EHBP1: variants seen among roughly 807,000 people sequenced by gnomAD.
The protein encoded by EHBP1 is EH domain binding protein 1, also known as EH domain-binding protein 1.
EHBP1 carries 55 observed loss-of-function variants against 144.0 expected under a neutral mutation model. The observed-to-expected ratio is 0.38, with a 90% CI of 0.31 to 0.48. The LOEUF (loss-of-function observed/expected upper bound fraction) is 0.48, where lower values mean the gene tolerates loss of function less well. EHBP1 is among the 20% of genes least tolerant of loss of function. EHBP1 has a pLI of 0.98. For synonymous variants in EHBP1, 469 were observed against 472.7 expected (o/e 0.99, Z 0.10); for missense variants, 1,200 against 1,364.2 (o/e 0.88, Z 1.90).
intron 1 of EHBP1, among the ~76,000 whole-genome samples, chr2:62,689,671 A>G (rs2151744113): frequency 6.6e-6 from 1 of 152,194 alleles, no homozygotes; most frequent in Middle Eastern, 3.4e-3. Context: ...GTCTCAAAAT[A>G]ATAATAATAA....
intron 4 of EHBP1, among the ~76,000 whole-genome samples, chr2:62,770,223 AACAG>A (rs1378082035): frequency 2.6e-5 from 4 of 152,236 alleles, no homozygotes; most frequent in East Asian, 3.8e-4. Context: ...CAACAGAGTA[AACAG>A]ACAGCCTACA....
intron 3 of EHBP1, among the ~76,000 whole-genome samples, chr2:62,759,693 C>T (rs182101467): frequency 1.3e-5 from 2 of 152,100 alleles, no homozygotes; most frequent in Non-Finnish European, 2.9e-5. Flanking sequence ...CATGAGCCAC[C>T]GTGCCCAGCC....
intron 2 of EHBP1, among the ~76,000 whole-genome samples, chr2:62,729,583 A>T (rs938684983): frequency 7.8e-6 from 1 of 128,960 alleles, no homozygotes; most frequent in Non-Finnish European, 1.6e-5. Context: ...AAATAAATAT[A>T]ATAATAATAT....
At chr2:62,879,671 A>G (rs542354357) in intron 10 of EHBP1, among the ~76,000 whole-genome samples, 2 of 152,056 alleles carry the variant, frequency 1.3e-5, no homozygotes, top group African/African-American at 4.8e-5. Flanking sequence ...AGATCTCTAT[A>G]ATGAGAATTA....
intron 7 of EHBP1, among the ~76,000 whole-genome samples, chr2:62,832,370 C>G (rs1043548973): frequency 6.6e-6 from 1 of 150,576 alleles, no homozygotes; most frequent in Non-Finnish European, 1.5e-5. Context: ...CTCAACTTCT[C>G]ATTACAGGCA....
chr2:62,808,454 A>G (rs2044686319), intron 5 of EHBP1, among the ~76,000 whole-genome samples: 1 of 152,054 alleles, frequency 6.6e-6, no homozygotes, highest in Non-Finnish European at 1.5e-5. Flanking sequence ...TAGTGTTTTT[A>G]TGGTGTTTTT....
chr2:62,694,520 T>C (rs1421760905), intron 1 of EHBP1, among the ~76,000 whole-genome samples: 1 of 151,858 alleles, frequency 6.6e-6, no homozygotes, highest in Admixed American at 6.6e-5. Flanking sequence ...AAAAAACTTC[T>C]TAAGACAGCA....
At chr2:63,004,079 A>G (rs2059942576) in intron 19 of EHBP1, among the ~76,000 whole-genome samples, 1 of 152,090 alleles carries the variant, frequency 6.6e-6, no homozygotes, top group South Asian at 2.1e-4. Context: ...TCTGGGAGCT[A>G]TATCTGTGAC....
intron 10 of EHBP1, among the ~76,000 whole-genome samples, chr2:62,906,848 G>A (rs183936320): frequency 6.6e-6 from 1 of 152,260 alleles, no homozygotes; most frequent in African/African-American, 2.4e-5. Flanking sequence ...GAACCATATA[G>A]TATTATTTCA....
intron 15 of EHBP1, chr2:62,988,130 G>A (rs2059274079): frequency 1.3e-6 from 1 of 742,544 alleles, no homozygotes; most frequent in East Asian, 3.0e-5. Context: ...TAATAATTTT[G>A]TAGTTTTATT....
chr2:62,701,055 C>T (rs2034267195), upstream of EHBP1, among the ~76,000 whole-genome samples: 1 of 152,170 alleles, frequency 6.6e-6, no homozygotes, highest in African/African-American at 2.4e-5. Context: ...CAGAAATCCA[C>T]TAGCATCCAG....
chr2:62,993,853 T>A lies in EHBP1; in HGVS notation c.2873-18T>A, dbSNP rs1394999277. 1 of 1,519,140 alleles carries A rather than the reference T, an allele frequency of 6.6e-7. No homozygotes were observed. Among genetic ancestry groups the A allele is most frequent in the Non-Finnish European group, 8.8e-7 (1 of 1,132,914 alleles). The allele number at this position is 1,519,140 out of a possible 1,614,324, so 94.1% of individuals were successfully genotyped here. ...GCTTTACAATAATTTTACATGTCTT[T>A]CCTCTTTTTTTTTTAAGAGATGAAA... is the stretch of plus-strand genomic sequence containing the variant. On this transcript the variant is annotated intron_variant, in intron 17 of 22. Transcript: ENST00000431489.
chr2:62,917,175 A>G (rs368139915), intron 10 of EHBP1, among the ~76,000 whole-genome samples: 5 of 152,302 alleles, frequency 3.3e-5, no homozygotes, highest in African/African-American at 9.6e-5. Flanking sequence ...ACCACAGGCA[A>G]TTGTAACACA....
At chr2:62,858,563 G>T (rs2049260833) in intron 7 of EHBP1, 1 of 1,172,924 alleles carries the variant, frequency 8.5e-7, no homozygotes, top group South Asian at 1.3e-5. Flanking sequence ...TATTTACTGT[G>T]ACCTGCTACC....
chr2:63,033,240 T>C (rs956849354), intron 19 of EHBP1, among the ~76,000 whole-genome samples: 8 of 152,192 alleles, frequency 5.3e-5, no homozygotes, highest in Admixed American at 2.0e-4. Flanking sequence ...CATATGTCTT[T>C]CAAAGGTCAT....
At chr2:62,739,985 G>A (rs868783643) in intron 2 of EHBP1, among the ~76,000 whole-genome samples, 1 of 150,146 alleles carries the variant, frequency 6.7e-6, no homozygotes, top group Admixed American at 6.7e-5. Context: ...ACTGTTGTTA[G>A]TAAGATATTT....
At chr2:62,905,104 C>T (rs564396730) in intron 10 of EHBP1, among the ~76,000 whole-genome samples, 1 of 152,274 alleles carries the variant, frequency 6.6e-6, no homozygotes, top group East Asian at 1.9e-4. Context: ...GGTGTCAAGG[C>T]ATGAACTGGA....
chr2:62,942,688 T>C (rs779231989), intron 10 of EHBP1, 30 bp from the exon 11 acceptor site: 2 of 1,542,254 alleles, frequency 1.3e-6, no homozygotes, highest in African/African-American at 1.4e-5. Context: ...TAAATTCTTT[T>C]AATGTTTTCC....
intron 4 of EHBP1, among the ~76,000 whole-genome samples, chr2:62,764,608 C>T (rs1182802946): frequency 1.3e-5 from 2 of 152,094 alleles, no homozygotes; most frequent in Non-Finnish European, 2.9e-5. Context: ...CCACTTCCTA[C>T]ACTCTACCCA....
Sources: allele counts gnomAD v4.1 joint callset (sites outside exome capture counted in the v4.1 genomes callset), GRCh38; gene constraint gnomAD v4.1.1; transcripts MANE v1.5; gene names NCBI Gene and HGNC (gene_info 2026-07-23, HGNC 2026-07-21).